Variants in KY observed in about 807,000 individuals in gnomAD.
KY encodes the protein kyphoscoliosis peptidase.
KY carries 43 observed loss-of-function variants against 76.1 expected under a neutral mutation model. The ratio of observed to expected loss-of-function variants is 0.57; its 90% CI spans 0.44 to 0.73. The LOEUF is 0.73. KY is among the 30% of genes least tolerant of loss of function. The probability of loss-of-function intolerance (pLI) is 0.00; values close to 1 mark genes in which losing one functional copy is unlikely to be tolerated. For synonymous variants in KY, 277 were observed against 326.2 expected (o/e 0.85, Z 1.63); for missense variants, 722 against 828.9 (o/e 0.87, Z 1.58).
rs1344690019 is a variant in KY, at chr3:134,603,915, G to C, written c.1650C>G (p.Phe550Leu). ...KKRQEPGNYIFVFNYLVCCAN... is the reference protein window; with the variant it reads ...KKRQEPGNYILVFNYLVCCAN... The stretch of plus-strand genomic sequence containing the variant: ...CACAGCATACAAGGTAATTAAAGAC[G>C]AAGATGTAGTTTCCTGGTTCCTGCC... The change falls in exon 11 of 11, where the codon TTC (phenylalanine) becomes TTG (leucine). Residue 550 changes from phenylalanine (F) to leucine (L), a missense_variant. Coordinates refer to ENST00000423778, the MANE Select transcript of KY (RefSeq NM_178554.6). 1.9e-6 allele frequency: 3 copies of C among 1,613,902 alleles called. No individual in the cohort carries two copies. Among genetic ancestry groups the C allele is most frequent in the South Asian group, 1.1e-5 (1 of 91,088 alleles).
At chr3:134,619,467 AG>A (rs752381707) in intron 7 of KY, among the ~76,000 whole-genome samples, 8 of 152,328 alleles carry the variant, frequency 5.3e-5, no homozygotes, top group African/African-American at 1.4e-4. Context: ...GCCTTGGCAG[AG>A]GGGGCCACCT....
chr3:134,604,621 C>A (rs1213655821), intron 10 of KY, 147 bp from the exon 11 acceptor site: 13 of 681,082 alleles, frequency 1.9e-5, no homozygotes, highest in Non-Finnish European at 2.9e-5. Context: ...TCACCACAGT[C>A]CATTTCAAGC....
rs1959354602 is a variant in KY at position 134,607,297 on chromosome 3, C to T, written c.1090+1352G>A. ...AGTTTGCAAGAGCTCAGCAACTTGG[C>T]AAAGGAAGTCATTGTGTGGTGGAAG... On this transcript the variant is annotated intron_variant, in intron 10 of 10. Transcript: ENST00000423778. 6 of 985,378 alleles carry T rather than the reference C, an allele frequency of 6.1e-6. No individual in the cohort carries two copies. In the South Asian group the frequency reaches 2.3e-4, roughly 39 times the overall value. The allele number at this position is 985,378 out of a possible 1,614,324, so 61.0% of individuals were successfully genotyped here.
chr3:134,621,349 T>G (rs1028727964), intron 6 of KY, among the ~76,000 whole-genome samples: 1 of 152,192 alleles, frequency 6.6e-6, no homozygotes, highest in Non-Finnish European at 1.5e-5. Flanking sequence ...TCAAAACAGT[T>G]TGATACTGCC....
chr3:134,620,683 G>T, intron 7 of KY, 66 bp downstream of exon 7: 1 of 1,130,362 alleles, frequency 8.8e-7, no homozygotes, highest in South Asian at 1.3e-5. Flanking sequence ...AAGCTGATAG[G>T]AGCAGAGGCC....
intron 4 of KY, among the ~76,000 whole-genome samples, chr3:134,628,534 A>C (rs1963769604): frequency 6.6e-6 from 1 of 152,192 alleles, no homozygotes; most frequent in Admixed American, 6.5e-5. Context: ...TTGCAACCAC[A>C]CATGGGTTAT....
rs913553654 is a variant in KY at position 134,600,042 on chromosome 3, T to C, written c.*3537A>G. Among the ~76,000 whole-genome samples, 5 of 152,200 alleles carry C rather than the reference T, an allele frequency of 3.3e-5. No individual in the cohort carries two copies. Among genetic ancestry groups the C allele is most frequent in the Admixed American group, 2.0e-4 (3 of 15,284 alleles). ...GCACACATTATGAGAAGTAATCACC[T>C]CTTTCAATTGCCGACTACTTACTCC... On this transcript the variant is annotated 3_prime_UTR_variant, in exon 11 of 11. Transcript: ENST00000423778.
In KY at chr3:134,604,207, C is replaced by A; in HGVS notation, c.1358G>T (p.Gly453Val). 1 of 1,612,642 alleles carries A rather than the reference C, an allele frequency of 6.2e-7. No homozygotes were observed. ...QLPAELHQPV[G>V]PSWFSEQMGI... The stretch of plus-strand genomic sequence containing the variant: ...CATCTGCTCCGAGAACCAGCTGGGG[C>A]CCACGGGCTGGTGAAGCTCAGCAGG... The change falls in exon 11 of 11, where the codon GGC becomes GTC. Residue 453 changes from glycine (G) to valine (V), a missense_variant. Physicochemically the swap from Gly to Val is moderately radical, Grantham distance 109. Transcript: ENST00000423778.
intron 8 of KY, among the ~76,000 whole-genome samples, chr3:134,614,390 A>G (rs1273385917): frequency 6.6e-6 from 1 of 152,170 alleles, no homozygotes; most frequent in Non-Finnish European, 1.5e-5. Flanking sequence ...ATCCCAAGCC[A>G]CAATGAAAAC....
rs185833952 is a variant in KY at position 134,623,032 on chromosome 3, C to T, written c.483+2021G>A. 4.5e-3 allele frequency among the ~76,000 whole-genome samples: 692 copies of T among 152,334 alleles called. 4 individuals carry two copies. Among genetic ancestry groups the T allele is most frequent in the Non-Finnish European group, 7.0e-3 (474 of 68,026 alleles). The stretch of plus-strand genomic sequence containing the variant: ...TTTCTTCTACGTCCAGCTCCAACAC[C>T]GCAGACTTTGTCCTTGTCCCTCTCC... On this transcript the variant is annotated intron_variant, in intron 6 of 10. Transcript: ENST00000423778.
At chr3:134,650,651 C>G (rs926357608) in intron 1 of KY, among the ~76,000 whole-genome samples, 174 bp downstream of exon 1, 6 of 152,126 alleles carry the variant, frequency 3.9e-5, no homozygotes, top group Non-Finnish European at 8.8e-5. Flanking sequence ...CGGGACTGCG[C>G]GTTGCCACGG....
intron 10 of KY, chr3:134,607,005 A>G: frequency 2.0e-6 from 2 of 984,770 alleles, no homozygotes; most frequent in Non-Finnish European, 2.4e-6. Flanking sequence ...TAAGTATCAG[A>G]TATATGGAAT....
intron 5 of KY, among the ~76,000 whole-genome samples, chr3:134,625,982 G>A (rs1343398485): frequency 2.0e-5 from 3 of 152,254 alleles, no homozygotes; most frequent in Non-Finnish European, 4.4e-5. Flanking sequence ...ATTGCTGGGA[G>A]GCTGCTGCAA....
chr3:134,601,469 G>A lies in KY; in HGVS notation c.*2110C>T, dbSNP rs1958961230. ...GGTCCAGTGAGTGACATGCGTCATC[G>A]AAGGCACTTATTGTTTTGATGAAAC... On this transcript the variant is annotated 3_prime_UTR_variant, in exon 11 of 11. Transcript: ENST00000423778. 1.3e-5 allele frequency among the ~76,000 whole-genome samples: 2 copies of A among 152,234 alleles called. No homozygotes were observed. Among genetic ancestry groups the A allele is most frequent in the Non-Finnish European group, 2.9e-5 (2 of 68,044 alleles).
At chr3:134,607,385 A>T in intron 10 of KY, 1 of 985,544 alleles carries the variant, frequency 1.0e-6, no homozygotes, top group Middle Eastern at 5.2e-4. Flanking sequence ...TTGCCCTGCA[A>T]TGTGGGTTGG....
In KY at chr3:134,620,797, C is replaced by T. The variant is rs1267643679; in HGVS notation, c.544G>A (p.Asp182Asn). 1 of 1,613,588 alleles carries T rather than the reference C, an allele frequency of 6.2e-7. No homozygotes were observed. Among genetic ancestry groups the T allele is most frequent in the African/African-American group, 1.3e-5 (1 of 74,928 alleles). ...CAGATGGCGCGGACCCTTTCCAGGT[C>T]AGTGTGGGCCTCCTGGAGCAGGTCA... ...VSDLLQEAHTDLERVRAIWIW... is the reference protein window; with the variant it reads ...VSDLLQEAHTNLERVRAIWIW... The change falls in exon 7 of 11, where the codon GAC becomes AAC. Residue 182 changes from aspartate (D) to asparagine (N), a missense_variant. Coordinates refer to ENST00000423778, the MANE Select transcript of KY (RefSeq NM_178554.6).
At chr3:134,627,690 G>T in intron 5 of KY, 66 bp downstream of exon 5, 1 of 1,431,894 alleles carries the variant, frequency 7.0e-7, no homozygotes, top group Non-Finnish European at 9.8e-7. Context: ...GTCAATTGGA[G>T]ATTAGTCTAT....
rs1962134517 is a variant in KY at position 134,619,195 on chromosome 3, C to T, written c.663G>A (p.Gln221=). 1.9e-6 allele frequency: 3 copies of T among 1,613,854 alleles called. No individual in the cohort carries two copies. Among genetic ancestry groups the T allele is most frequent in the East Asian group, 2.2e-5 (1 of 44,874 alleles). The part of the protein sequence containing the change: ...AFKPTDILRT[Q]KTNCDGYAGL... ...CAGCATAGCCATCACAGTTGGTCTT[C>T]TGGGTCCGCAGGATGTCAGTGGGTT... is the stretch of plus-strand genomic sequence containing the variant. The change falls in exon 8 of 11, where the codon CAG becomes CAA. Residue 221 remains glutamine, a synonymous_variant. Transcript: ENST00000423778.
At chr3:134,626,908 C>T (rs1338542846) in intron 5 of KY, among the ~76,000 whole-genome samples, 3 of 152,232 alleles carry the variant, frequency 2.0e-5, no homozygotes, top group Admixed American at 2.0e-4. Context: ...TCTGCAGAAT[C>T]TGTTCCTATC....
Sources: allele counts gnomAD v4.1 joint callset (sites outside exome capture counted in the v4.1 genomes callset), GRCh38; gene constraint gnomAD v4.1.1; transcripts MANE v1.5; gene names NCBI Gene and HGNC (gene_info 2026-07-23, HGNC 2026-07-21).